ESR1: variants seen among roughly 807,000 people sequenced by gnomAD.
ESR1 encodes the protein estrogen receptor.
Under a neutral mutation model 52.7 loss-of-function variants are expected in ESR1, and 12 were observed. That is an observed-to-expected ratio of 0.23 (90% CI 0.15 to 0.37). The LOEUF (loss-of-function observed/expected upper bound fraction) is 0.37, where lower values mean the gene tolerates loss of function less well. Among genes scored for constraint, ESR1 ranks in the 10% least tolerant of loss-of-function variants. The probability of loss-of-function intolerance (pLI) is 1.00; values close to 1 mark genes in which losing one functional copy is unlikely to be tolerated. For synonymous variants in ESR1, 305 were observed against 316.8 expected, an observed-to-expected ratio of 0.96 and a Z score of 0.39; for missense variants, 584 against 779.7, an observed-to-expected ratio of 0.75 and a Z score of 2.99.
chr6:151,963,541 T>C (rs2037911343), intron 4 of ESR1, among the ~76,000 whole-genome samples: 1 of 152,262 alleles, frequency 6.6e-6, no homozygotes, highest in Non-Finnish European at 1.5e-5. Flanking sequence ...GTTTTCTTCC[T>C]TTTGAATTGT....
At chr6:151,905,967 A>C (rs748943273) in intron 3 of ESR1, among the ~76,000 whole-genome samples, 2 of 152,192 alleles carry the variant, frequency 1.3e-5, no homozygotes, top group Non-Finnish European at 2.9e-5. Flanking sequence ...TGGAACGCTA[A>C]GCATGTGGGA....
rs185619635 is a variant in ESR1, at chr6:152,026,641, T to A, written c.1235+14847T>A. Among the ~76,000 whole-genome samples, 72 of 151,888 alleles carry A rather than the reference T, an allele frequency of 4.7e-4. No homozygotes were observed. In the East Asian group the frequency reaches 0.014, roughly 28 times the overall value. On this transcript the variant is annotated intron_variant, in intron 5 of 7. Transcript: ENST00000206249. ...TATATATTAAATTGTCTTCTTTATTTACTATTTATTGATTTATTGAATTTA... is the reference window on the plus strand; with the variant it reads ...TATATATTAAATTGTCTTCTTTATTAACTATTTATTGATTTATTGAATTTA...
At chr6:152,008,000 A>T (rs1265729260) in intron 4 of ESR1, among the ~76,000 whole-genome samples, 1 of 152,112 alleles carries the variant, frequency 6.6e-6, no homozygotes, top group African/African-American at 2.4e-5. Context: ...TTGAAACTTG[A>T]TGTCTATCCA....
downstream of ESR1, among the ~76,000 whole-genome samples, chr6:152,106,713 C>T (rs529086199): frequency 3.9e-5 from 6 of 152,130 alleles, no homozygotes; most frequent in Non-Finnish European, 5.9e-5. Context: ...CTTAGCCTCC[C>T]GAGTAGCTGG....
chr6:151,662,230 T>A (rs2115204113), intron 1 of ESR1, among the ~76,000 whole-genome samples: 1 of 152,288 alleles, frequency 6.6e-6, no homozygotes, highest in South Asian at 2.1e-4. Context: ...ATATACAGGG[T>A]GATTATAAAC....
rs1193860888 is a variant in ESR1 at position 151,848,504 on chromosome 6, AG to A, written c.643+5718del. Among the ~76,000 whole-genome samples, 154 of 144,646 alleles carry A rather than the reference AG, an allele frequency of 1.1e-3. 3 individuals carry two copies. The highest frequency in any genetic ancestry group is 2.8e-4 in the Non-Finnish European group (18 of 63,402). 94.9% of individuals were successfully genotyped at this position (144,646 alleles called of 152,430 possible). On this transcript the variant is annotated intron_variant, in intron 2 of 7. Transcript: ENST00000206249. ...AAAAAAAAAAAATTTAAAAAAAAAAAGAGATCTTAGTTCTTTTGGGCTTGGG... is the reference window on the plus strand; with the variant it reads ...AAAAAAAAAAAATTTAAAAAAAAAAAAGATCTTAGTTCTTTTGGGCTTGGG...
chr6:151,780,950 G>T (rs965079703), intron 2 of ESR1, among the ~76,000 whole-genome samples: 1 of 152,088 alleles, frequency 6.6e-6, no homozygotes, highest in Admixed American at 6.5e-5. Context: ...TAAATACAAC[G>T]GGCTTTAAAA....
At chr6:151,897,708 T>C (rs1216966065) in intron 3 of ESR1, among the ~76,000 whole-genome samples, 2 of 152,246 alleles carry the variant, frequency 1.3e-5, no homozygotes, top group Non-Finnish European at 1.5e-5. Context: ...TGTGAGGTAC[T>C]ATTCTGTTCA....
chr6:151,862,881 G>A (rs1562488911), intron 2 of ESR1, among the ~76,000 whole-genome samples: 1 of 152,092 alleles, frequency 6.6e-6, no homozygotes, highest in African/African-American at 2.4e-5. Flanking sequence ...GAAAAGAAAA[G>A]AAGATTGTAG....
intron 3 of ESR1, among the ~76,000 whole-genome samples, chr6:151,887,625 C>G (rs1472949260): frequency 6.6e-6 from 1 of 152,140 alleles, no homozygotes; most frequent in Admixed American, 6.5e-5. Context: ...TTGCAAGCCA[C>G]TGATCTAATC....
intron 2 of ESR1, among the ~76,000 whole-genome samples, chr6:151,757,948 C>T (rs553924428): frequency 8.3e-4 from 126 of 152,202 alleles, no homozygotes; most frequent in Middle Eastern, 6.8e-3. Context: ...GCTGAATGTA[C>T]GGGAGTATTT....
chr6:152,023,976 G>A (rs943997193), intron 5 of ESR1, among the ~76,000 whole-genome samples: 13 of 152,140 alleles, frequency 8.5e-5, no homozygotes, highest in Admixed American at 2.6e-4. Context: ...GTGTCCCCAA[G>A]TTATAATTGC....
intron 1 of ESR1, among the ~76,000 whole-genome samples, chr6:151,664,624 T>A (rs1455317325): frequency 6.6e-6 from 1 of 152,208 alleles, no homozygotes; most frequent in South Asian, 2.1e-4. Context: ...ACACAGCACC[T>A]GCCTGATGAA....
At chr6:152,075,577 CT>C (rs1475993561) in intron 6 of ESR1, among the ~76,000 whole-genome samples, 2 of 152,210 alleles carry the variant, frequency 1.3e-5, no homozygotes, top group African/African-American at 4.8e-5. Flanking sequence ...CACTAGTTAT[CT>C]TTTTAAAAAT....
rs528672296 is a variant in ESR1 at position 151,664,605 on chromosome 6, C to T, written n.73+7842C>T. ...AGGTCAACGATTGAACACCCAAACA[C>T]GTTGATACACACAGCACCTGCCTGA... On this transcript the variant is annotated intron_variant and non_coding_transcript_variant, in intron 1 of 2. Transcript: ENST00000473497. Among the ~76,000 whole-genome samples the T allele has an allele frequency of 8.5e-5, 13 of 152,322 alleles. 1 individual carries two copies. The South Asian group carries it at 1.0e-3, about 12-fold the overall frequency.
chr6:151,843,022 CTCAA>C (rs1271166907), intron 2 of ESR1, among the ~76,000 whole-genome samples: 1 of 152,184 alleles, frequency 6.6e-6, no homozygotes, highest in Non-Finnish European at 1.5e-5. Flanking sequence ...TTTGGCAAGA[CTCAA>C]TCAGTCTTGA....
In ESR1 at chr6:152,094,521, G is replaced by A. The variant is rs1445718939; in HGVS notation, c.1506G>A (p.Gln502=). 6.2e-7 allele frequency: 1 copy of A among 1,614,038 alleles called. No individual in the cohort carries two copies. Among genetic ancestry groups the A allele is most frequent in the Non-Finnish European group, 8.5e-7 (1 of 1,180,044 alleles). ...GCCTGACCCTGCAGCAGCAGCACCA[G>A]CGGCTGGCCCAGCTCCTCCTCATCC... ...KAGLTLQQQH[Q]RLAQLLLILS... Residue 502 remains glutamine (Q), a synonymous_variant, in exon 7 of 8, where the codon CAG becomes CAA. Coordinates refer to ENST00000206249, the MANE Select transcript of ESR1 (RefSeq NM_000125.4). This position sits in a 1 kb window ranked among gnomAD's most constrained non-coding sequence, Gnocchi z 4.6.
chr6:151,878,298 A>G (rs1222738070), intron 2 of ESR1, among the ~76,000 whole-genome samples: 1 of 152,212 alleles, frequency 6.6e-6, no homozygotes, highest in African/African-American at 2.4e-5. Context: ...CCTATTAATA[A>G]GGACAATTCT....
rs1413298270 is a variant in ESR1 at position 152,098,824 on chromosome 6, T to C, written c.1646T>C (p.Leu549Pro). Residue 549 changes from leucine (L) to proline (P), a missense_variant, in exon 8 of 8, where the codon CTA becomes CCA. Physicochemically the swap from Leu to Pro is moderately conservative, Grantham distance 98 (BLOSUM62 -3). This residue lies in a region of ESR1 where 71 missense variants were observed against 66.1 expected (regional missense o/e 1.07). Coordinates refer to ENST00000206249, the MANE Select transcript of ESR1 (RefSeq NM_000125.4). This position sits in a 1 kb window ranked among gnomAD's most constrained non-coding sequence, Gnocchi z 5.1. ...CTGGAGATGCTGGACGCCCACCGCCTACATGCGCCCACTAGCCGTGGAGGG... is the reference window on the plus strand; with the variant it reads ...CTGGAGATGCTGGACGCCCACCGCCCACATGCGCCCACTAGCCGTGGAGGG... ...LLLEMLDAHR[L>P]HAPTSRGGAS... 2 of 1,614,196 alleles carry C rather than the reference T, an allele frequency of 1.2e-6. No individual in the cohort carries two copies. The highest frequency in any genetic ancestry group is 2.2e-5 in the South Asian group (2 of 91,090).
Sources: allele counts gnomAD v4.1 joint callset (sites outside exome capture counted in the v4.1 genomes callset), GRCh38; gene constraint gnomAD v4.1.1; regional missense constraint gnomAD v4.1.1; non-coding constraint Gnocchi (gnomAD v3.1); transcripts MANE v1.5; gene names NCBI Gene and HGNC (gene_info 2026-07-23, HGNC 2026-07-21).